SAXO1: variants seen among roughly 807,000 people sequenced by gnomAD.
The protein encoded by SAXO1 is stabilizer of axonemal microtubules 1, also known as 4930500O09Rik.
A neutral mutation model predicts 17.5 loss-of-function variants in SAXO1; 21 were observed. The observed-to-expected ratio is 1.20, with a 90% CI of 0.85 to 1.72. SAXO1 has a LOEUF of 1.72. Ranked by LOEUF, SAXO1 falls within the 40% of genes most tolerant of loss-of-function variation. SAXO1 has a pLI of 0.00. For missense variants in SAXO1, 843 were observed against 596.0 expected, an observed-to-expected ratio of 1.41 and a Z score of -4.32; for synonymous variants, 274 against 216.5, an observed-to-expected ratio of 1.27 and a Z score of -2.33.
At chr9:19,008,041 C>T (rs1216184195) in intron 1 of SAXO1, among the ~76,000 whole-genome samples, 6 of 151,486 alleles carry the variant, frequency 4.0e-5, no homozygotes, top group Non-Finnish European at 8.8e-5. Context: ...CGTCTCAGCT[C>T]ACTGTAGCAT....
intron 1 of SAXO1, among the ~76,000 whole-genome samples, chr9:19,043,105 G>A (rs1836116280): frequency 6.6e-6 from 1 of 152,050 alleles, no homozygotes; most frequent in Non-Finnish European, 1.5e-5. Flanking sequence ...CTGAGAGGCA[G>A]AGGTTGCAGT....
At chr9:19,015,518 A>G (rs1236387364) in intron 1 of SAXO1, among the ~76,000 whole-genome samples, 1 of 151,902 alleles carries the variant, frequency 6.6e-6, no homozygotes, top group East Asian at 1.9e-4. Context: ...TAATTTTTGT[A>G]TATTTAGTAG....
At position 19,007,983 on chromosome 9, in the gene SAXO1, T is replaced by A. The variant is rs1178686268; in HGVS notation, c.38+24888A>T. ...CATTTACTACCAGGTCTTTTTTTTT[T>A]TTTTTGGAGACAGGGTCTCTGTCAC... On this transcript the variant is annotated intron_variant, in intron 1 of 3. Coordinates refer to ENST00000380534, the MANE Select transcript of SAXO1 (RefSeq NM_153707.4). 2.0e-5 allele frequency among the ~76,000 whole-genome samples: 3 copies of A among 151,914 alleles called. No homozygotes were observed. In the East Asian group the frequency reaches 5.8e-4, roughly 29 times the overall value.
chr9:18,961,722 T>A (rs996402432), intron 1 of SAXO1, among the ~76,000 whole-genome samples: 2 of 152,240 alleles, frequency 1.3e-5, no homozygotes, highest in South Asian at 4.1e-4. Flanking sequence ...CACATTTTCT[T>A]AATCCAGTCT....
At chr9:18,963,040 A>G (rs1252286239) in intron 1 of SAXO1, among the ~76,000 whole-genome samples, 1 of 152,280 alleles carries the variant, frequency 6.6e-6, no homozygotes, top group South Asian at 2.1e-4. Context: ...TCCCAACACC[A>G]TTTATTAAAT....
intron 1 of SAXO1, among the ~76,000 whole-genome samples, chr9:19,011,189 G>A (rs1195146999): frequency 6.6e-6 from 1 of 152,166 alleles, no homozygotes; most frequent in African/African-American, 2.4e-5. Flanking sequence ...CACTAAAAAG[G>A]CTTTTAAATA....
chr9:19,006,681 G>A (rs1376945344), intron 1 of SAXO1, among the ~76,000 whole-genome samples: 1 of 152,188 alleles, frequency 6.6e-6, no homozygotes, highest in Admixed American at 6.5e-5. Flanking sequence ...AAAAGTTCTG[G>A]AAACAAATAG....
chr9:19,040,205 G>C (rs1337535327), intron 1 of SAXO1, among the ~76,000 whole-genome samples: 1 of 152,168 alleles, frequency 6.6e-6, no homozygotes, highest in Non-Finnish European at 1.5e-5. Context: ...TAAGGGTAGA[G>C]TTTACATGCT....
chr9:19,034,022 G>A (rs899031361), upstream of SAXO1, among the ~76,000 whole-genome samples: 1 of 152,148 alleles, frequency 6.6e-6, no homozygotes, highest in Non-Finnish European at 1.5e-5. Flanking sequence ...TCTAGTCCGG[G>A]AATCTAGCTT....
At chr9:18,961,627 G>A (rs934277507) in intron 1 of SAXO1, among the ~76,000 whole-genome samples, 1 of 152,090 alleles carries the variant, frequency 6.6e-6, no homozygotes, top group Non-Finnish European at 1.5e-5. Context: ...TGAGAATGAT[G>A]GTTTCCAGCT....
chr9:19,001,859 T>C (rs1588510257), intron 1 of SAXO1, among the ~76,000 whole-genome samples: 1 of 151,588 alleles, frequency 6.6e-6, no homozygotes, highest in East Asian at 1.9e-4. Flanking sequence ...AGCAAACAAA[T>C]TCAAAAGCTA....
At chr9:19,019,675 A>G (rs1835143070) in intron 1 of SAXO1, among the ~76,000 whole-genome samples, 1 of 152,126 alleles carries the variant, frequency 6.6e-6, no homozygotes, top group Non-Finnish European at 1.5e-5. Context: ...GGTTGCAATG[A>G]GCCCAGACGG....
chr9:18,994,279 A>C (rs919599722), intron 1 of SAXO1, among the ~76,000 whole-genome samples: 1 of 152,164 alleles, frequency 6.6e-6, no homozygotes, highest in Non-Finnish European at 1.5e-5. Context: ...TAAGCCACTG[A>C]AACCTTAGGA....
chr9:18,941,964 TC>T lies in SAXO1; in HGVS notation c.219-126del, dbSNP rs1831583631. On this transcript the variant is annotated intron_variant, in intron 2 of 3. Coordinates refer to ENST00000380534, the MANE Select transcript of SAXO1 (RefSeq NM_153707.4). The stretch of plus-strand genomic sequence containing the variant: ...GTTCTACTCTACCTGCCTTCCCTCC[TC>T]CCCCGAACTGTTTCTCCTCTATTTC... 5 of 823,344 alleles carry T rather than the reference TC, an allele frequency of 6.1e-6. No individual in the cohort carries two copies. The East Asian group carries it at 1.3e-4, about 21-fold the overall frequency. 51.0% of individuals were successfully genotyped at this position (823,344 alleles called of 1,614,324 possible). A position where few individuals can be genotyped will look rare whatever the true frequency, so the allele number is the denominator to read the frequency against.
upstream of SAXO1, among the ~76,000 whole-genome samples, chr9:19,036,896 C>T (rs1258297460): frequency 2.0e-5 from 3 of 152,192 alleles, no homozygotes; most frequent in Non-Finnish European, 4.4e-5. Context: ...GCCACAGACA[C>T]TCATTGCCAG....
intron 1 of SAXO1, among the ~76,000 whole-genome samples, chr9:19,016,214 T>A (rs988694134): frequency 2.0e-5 from 3 of 152,096 alleles, no homozygotes; most frequent in African/African-American, 7.2e-5. Flanking sequence ...GGCGGGTGGA[T>A]CCACTGAGGT....
intron 1 of SAXO1, among the ~76,000 whole-genome samples, chr9:18,967,904 G>A (rs764734667): frequency 2.5e-4 from 38 of 152,338 alleles, no homozygotes; most frequent in African/African-American, 8.4e-4. Flanking sequence ...CTCCTGGTCT[G>A]CAGGTTGGGA....
At chr9:18,963,983 G>C (rs1032991288) in intron 1 of SAXO1, among the ~76,000 whole-genome samples, 1 of 152,132 alleles carries the variant, frequency 6.6e-6, no homozygotes, top group Non-Finnish European at 1.5e-5. Context: ...TTTACTGAGA[G>C]TTTTTTAATT....
intron 1 of SAXO1, among the ~76,000 whole-genome samples, chr9:18,986,205 T>C (rs1400267413): frequency 6.6e-6 from 1 of 152,194 alleles, no homozygotes; most frequent in African/African-American, 2.4e-5. Flanking sequence ...TCCTTCACAA[T>C]GTATCCATTC....
Sources: gnomAD v4.1 joint callset for allele counts (sites outside exome capture counted in the v4.1 genomes callset) on GRCh38, gnomAD v4.1.1 for gene constraint, MANE v1.5 for transcripts, NCBI Gene and HGNC (gene_info 2026-07-23, HGNC 2026-07-21) for gene names.